Variants in GSKIP observed in about 807,000 individuals in gnomAD.
GSKIP encodes the protein GSK3B interacting protein, also known as GSK3B-interacting protein.
A neutral mutation model predicts 11.9 loss-of-function variants in GSKIP; 5 were observed. That is an observed-to-expected ratio of 0.42 (90% CI 0.22 to 0.89). The LOEUF (loss-of-function observed/expected upper bound fraction) is 0.89, where lower values mean the gene tolerates loss of function less well. GSKIP is among the 40% of genes least tolerant of loss of function. The pLI is 0.29. For missense variants in GSKIP, 150 were observed against 166.6 expected, an observed-to-expected ratio of 0.90 and a Z score of 0.55; for synonymous variants, 70 against 62.9, an observed-to-expected ratio of 1.11 and a Z score of -0.54.
At chr14:96,385,502 A>G in intron 3 of GSKIP, 21 bp from the exon 4 acceptor site, 1 of 1,589,942 alleles carries the variant, frequency 6.3e-7, no homozygotes, top group Non-Finnish European at 8.6e-7. Flanking sequence ...TAATGAATTC[A>G]CTGTTGCATT....
intron 1 of GSKIP, among the ~76,000 whole-genome samples, chr14:96,372,597 G>A (rs1889079949): frequency 6.6e-6 from 1 of 152,192 alleles, no homozygotes; most frequent in African/African-American, 2.4e-5. Flanking sequence ...ATTCATTAAT[G>A]AAACAAACAA....
intron 1 of GSKIP, among the ~76,000 whole-genome samples, chr14:96,373,213 G>A (rs1186887125): frequency 1.7e-5 from 2 of 116,790 alleles, no homozygotes; most frequent in African/African-American, 6.8e-5. Flanking sequence ...CTGGGTGACA[G>A]AGCGAGACTC....
rs964060011 is a variant in GSKIP at position 96,385,013 on chromosome 14, C to G, written c.259-510C>G. The stretch of plus-strand genomic sequence containing the variant: ...TAAAATTAACAACTAATTATTAAAA[C>G]TAAATTATTAGGAATAATTTTTAGA... On this transcript the variant is annotated intron_variant, in intron 3 of 3. Transcript: ENST00000555181. Among the ~76,000 whole-genome samples, 11 of 151,744 alleles carry G rather than the reference C, an allele frequency of 7.2e-5. No homozygotes were observed. In the East Asian group the frequency reaches 1.7e-3, roughly 24 times the overall value.
chr14:96,376,775 A>G (rs1889214401), intron 1 of GSKIP, among the ~76,000 whole-genome samples: 1 of 152,238 alleles, frequency 6.6e-6, no homozygotes, highest in South Asian at 2.1e-4. Flanking sequence ...GCAAGCTACC[A>G]GTAGATATCT....
At chr14:96,367,490 G>T (rs1056057641) in intron 1 of GSKIP, among the ~76,000 whole-genome samples, 4 of 152,168 alleles carry the variant, frequency 2.6e-5, no homozygotes. Context: ...CAACTGAAAG[G>T]TCAGACTTTC....
At chr14:96,385,482 A>G (rs774314871) in intron 3 of GSKIP, 41 bp from the exon 4 acceptor site, 2 of 1,546,780 alleles carry the variant, frequency 1.3e-6, no homozygotes, top group African/African-American at 1.4e-5. Context: ...TTCTGTACCA[A>G]CATGAAAACT....
chr14:96,374,455 A>AGAG (rs574298133), intron 1 of GSKIP, among the ~76,000 whole-genome samples: 138 of 152,336 alleles, frequency 9.1e-4, no homozygotes, highest in Middle Eastern at 6.8e-3. Flanking sequence ...AACTACACCA[A>AGAG]GAGGAACAAA....
chr14:96,365,366 TGCAAGGGGAACA>T (rs1194464853), intron 1 of GSKIP: 1 of 151,204 alleles, frequency 6.6e-6, no homozygotes, highest in Non-Finnish European at 1.5e-5. Context: ...TTGTTTTCCA[TGCAAGGGGAACA>T]GCAAGTGCAA....
intron 3 of GSKIP, chr14:96,384,648 G>T (rs1255193079): frequency 1.3e-5 from 2 of 151,384 alleles, no homozygotes; most frequent in East Asian, 3.9e-4. Context: ...TTTTGCCTAA[G>T]ATCAATTGGA....
chr14:96,364,502 T>A (rs997026786), intron 1 of GSKIP: 3 of 152,266 alleles, frequency 2.0e-5, no homozygotes, highest in Non-Finnish European at 4.4e-5. Flanking sequence ...AAATGTTTAC[T>A]GTCTCGGCAA....
chr14:96,375,292 A>G (rs1889166379), intron 1 of GSKIP, among the ~76,000 whole-genome samples: 1 of 152,226 alleles, frequency 6.6e-6, no homozygotes, highest in Non-Finnish European at 1.5e-5. Flanking sequence ...ATAGCAAGAC[A>G]GCAAATTCAC....
At chr14:96,374,038 A>G (rs544431567) in intron 1 of GSKIP, among the ~76,000 whole-genome samples, 2 of 152,358 alleles carry the variant, frequency 1.3e-5, no homozygotes, top group East Asian at 3.9e-4. Flanking sequence ...AGAGTAACCC[A>G]GAAATAATAC....
At chr14:96,384,806 T>C (rs1889444663) in intron 3 of GSKIP, 1 of 152,002 alleles carries the variant, frequency 6.6e-6, no homozygotes, top group Non-Finnish European at 1.5e-5. Context: ...CCAGAAATAG[T>C]GTACCCCTAC....
intron 1 of GSKIP, chr14:96,364,722 A>G (rs939750516): frequency 6.6e-6 from 1 of 152,188 alleles, no homozygotes; most frequent in African/African-American, 2.4e-5. Flanking sequence ...ATATTTGTTA[A>G]GGTCCATTAA....
At chr14:96,379,218 C>T (rs1003069991) in intron 1 of GSKIP, among the ~76,000 whole-genome samples, 2 of 152,178 alleles carry the variant, frequency 1.3e-5, no homozygotes, top group Non-Finnish European at 1.5e-5. Context: ...GCGGGAGAAT[C>T]ACTTGAAGCC....
In GSKIP at chr14:96,373,759, A is replaced by G. The variant is rs557384875; in HGVS notation, c.-102-5929A>G. Among the ~76,000 whole-genome samples, 19 of 152,356 alleles carry G rather than the reference A, an allele frequency of 1.2e-4. 1 individual carries two copies. In the South Asian group the frequency reaches 3.5e-3, roughly 28 times the overall value. ...CCTCTGTAATGGGACAGAATTAACTAGAGATTAAACGCAGATCTTGTCTAA... is the reference window on the plus strand; with the variant it reads ...CCTCTGTAATGGGACAGAATTAACTGGAGATTAAACGCAGATCTTGTCTAA... On this transcript the variant is annotated intron_variant, in intron 1 of 3. Coordinates refer to ENST00000555181, the MANE Select transcript of GSKIP (RefSeq NM_016472.5).
Position 96,385,530 on chromosome 14 carries a change from G to A in GSKIP, c.266G>A (p.Gly89Asp). 1.2e-6 allele frequency: 2 copies of A among 1,608,968 alleles called. No homozygotes were observed. Among genetic ancestry groups the A allele is most frequent in the Non-Finnish European group, 1.7e-6 (2 of 1,178,120 alleles). ...GTTGCATTTCTCTTGTAGGTGGTAG[G>A]CTATGCTTTTGACCAGGTAGATGAT... ...ELTEAGLKVVGYAFDQVDDHL... is the reference protein window; with the variant it reads ...ELTEAGLKVVDYAFDQVDDHL... The change falls in exon 4 of 4, where the codon GGC becomes GAC. Residue 89 changes from glycine to aspartate, a missense_variant. Gly to Asp is a moderately conservative substitution (Grantham distance 94, BLOSUM62 -1). Coordinates refer to ENST00000555181, the MANE Select transcript of GSKIP (RefSeq NM_016472.5).
chr14:96,365,833 T>TA (rs901864478), intron 1 of GSKIP, among the ~76,000 whole-genome samples: 1 of 151,636 alleles, frequency 6.6e-6, no homozygotes, highest in African/African-American at 2.4e-5. Context: ...GACTCTATCT[T>TA]AAAAAAATAA....
At chr14:96,366,814 G>A (rs1888898481) in intron 1 of GSKIP, among the ~76,000 whole-genome samples, 1 of 152,256 alleles carries the variant, frequency 6.6e-6, no homozygotes, top group Non-Finnish European at 1.5e-5. Context: ...AGTTTGAAGT[G>A]ACAGGTGAGA....
Sources: gnomAD v4.1 joint callset for allele counts (sites outside exome capture counted in the v4.1 genomes callset) on GRCh38, gnomAD v4.1.1 for gene constraint, MANE v1.5 for transcripts, NCBI Gene and HGNC (gene_info 2026-07-23, HGNC 2026-07-21) for gene names.